Variants in HIVEP2 observed in about 807,000 individuals in gnomAD.
HIVEP2 encodes transcription factor HIVEP2.
Under a neutral mutation model 180.7 loss-of-function variants are expected in HIVEP2, and 14 were observed. The ratio of observed to expected loss-of-function variants is 0.08; its 90% CI spans 0.05 to 0.12. The LOEUF (loss-of-function observed/expected upper bound fraction) is 0.12, where lower values mean the gene tolerates loss of function less well. HIVEP2 is among the 10% of genes least tolerant of loss of function. The probability of loss-of-function intolerance (pLI) is 1.00; values close to 1 mark genes in which losing one functional copy is unlikely to be tolerated. For missense variants in HIVEP2, 2,579 were observed against 3,008.5 expected, an observed-to-expected ratio of 0.86 and a Z score of 3.34; for synonymous variants, 1,184 against 1,136.4, an observed-to-expected ratio of 1.04 and a Z score of -0.84.
At chr6:142,841,923 A>T (rs1200145872) in intron 1 of HIVEP2, among the ~76,000 whole-genome samples, 1 of 152,168 alleles carries the variant, frequency 6.6e-6, no homozygotes, top group Non-Finnish European at 1.5e-5. Flanking sequence ...GGTTCCCTAA[A>T]TCACTTCCTT....
At chr6:142,857,287 G>C (rs966561475) in intron 1 of HIVEP2, among the ~76,000 whole-genome samples, 4 of 151,418 alleles carry the variant, frequency 2.6e-5, no homozygotes, top group Non-Finnish European at 5.9e-5. Flanking sequence ...AATAAAAAGA[G>C]AATTCAAACA....
Position 142,771,338 on chromosome 6 carries a change from T to C in HIVEP2, c.3401A>G (p.Asp1134Gly), listed in dbSNP as rs746974252. The change falls in exon 5 of 10, where the codon GAC becomes GGC. Residue 1134 changes from aspartate (D) to glycine (G), a missense_variant. Physicochemically the swap from Asp to Gly is moderately conservative, Grantham distance 94. This residue lies in a region of HIVEP2 where 523 missense variants were observed against 577.0 expected (regional missense o/e 0.91). Coordinates refer to ENST00000367603, the MANE Select transcript of HIVEP2 (RefSeq NM_006734.4). The surrounding 1 kb of genome is among the most constrained non-coding windows in gnomAD (Gnocchi z 5.4). ...PAVLPPLQQE[D>G]PGKQVAGPCP... The stretch of plus-strand genomic sequence containing the variant: ...AGGACCCGCCACCTGCTTCCCTGGG[T>C]CCTCTTGCTGAAGAGGAGGCAGCAC... The C allele has an allele frequency of 8.7e-6, 14 of 1,613,018 alleles. No individual in the cohort carries two copies. Among genetic ancestry groups the C allele is most frequent in the Middle Eastern group, 3.3e-4 (2 of 6,062 alleles).
At chr6:142,857,907 G>T (rs76031061) in intron 1 of HIVEP2, among the ~76,000 whole-genome samples, 3,227 of 152,252 alleles carry the variant, frequency 0.021, 129 homozygotes, top group East Asian at 0.17. Context: ...GTCGGGTCTT[G>T]GGTCTGGGAA....
rs949526142 is a variant in HIVEP2 at position 142,945,066 on chromosome 6, T to TGCGCCGC, written c.-641+26_-641+32dup. 1.4e-5 allele frequency: 2 copies of TGCGCCGC among 146,072 alleles called. No individual in the cohort carries two copies. The highest frequency in any genetic ancestry group is 3.0e-5 in the Non-Finnish European group (2 of 65,808). 9.0% of individuals were successfully genotyped at this position (146,072 alleles called of 1,614,324 possible). A position where few individuals can be genotyped will look rare whatever the true frequency, so the allele number is the denominator to read the frequency against. ...CGCGCCGCCAGCCCGCCCGGCCGCC[T>TGCGCCGC]GCGCCGCGCGCCGCGGCCCCCTCCC... On this transcript the variant is annotated intron_variant, in intron 1 of 9. Coordinates refer to ENST00000367603, the MANE Select transcript of HIVEP2 (RefSeq NM_006734.4). The surrounding 1 kb of genome is among the most constrained non-coding windows in gnomAD (Gnocchi z 5.5).
At chr6:142,788,529 A>T (rs1776061945) in intron 2 of HIVEP2, 1 of 152,280 alleles carries the variant, frequency 6.6e-6, no homozygotes, top group African/African-American at 2.4e-5. Context: ...CCTAGCCAAC[A>T]TGGTGAAACC....
At chr6:142,873,136 G>T (rs1323550146) in intron 1 of HIVEP2, among the ~76,000 whole-genome samples, 1 of 152,090 alleles carries the variant, frequency 6.6e-6, no homozygotes, top group African/African-American at 2.4e-5. Flanking sequence ...CCACTGCACA[G>T]AAACATAGAA....
At chr6:142,783,319 T>C in intron 3 of HIVEP2, among the ~76,000 whole-genome samples, 2 of 66,162 alleles carry the variant, frequency 3.0e-5, no homozygotes, top group South Asian at 6.9e-4. Flanking sequence ...AGAGCAAGAC[T>C]CCGTCACAAA....
chr6:142,759,620 AT>A, intron 9 of HIVEP2, 151 bp downstream of exon 9: 1 of 654,332 alleles, frequency 1.5e-6, no homozygotes, highest in East Asian at 2.6e-5. Context: ...ACAATAGCAT[AT>A]GACAAAAATG....
chr6:142,771,304 C>G lies in HIVEP2; in HGVS notation c.3435G>C (p.Pro1145=). ...PGKQVAGPCP[P]LSSGPLHLAQ... ...CCAGGTGCAGTGGCCCCGAGCTCAG[C>G]GGGGGACAAGGACCCGCCACCTGCT... Residue 1145 remains proline (P), a synonymous_variant, in exon 5 of 10, where the codon CCG becomes CCC. Transcript: ENST00000367603. The surrounding 1 kb of genome is among the most constrained non-coding windows in gnomAD (Gnocchi z 5.4). 1.2e-6 allele frequency: 2 copies of G among 1,613,434 alleles called. No homozygotes were observed.
chr6:142,820,201 A>G (rs1477261112), intron 2 of HIVEP2, among the ~76,000 whole-genome samples: 3 of 151,958 alleles, frequency 2.0e-5, no homozygotes, highest in Non-Finnish European at 2.9e-5. Context: ...ACCTTCATTA[A>G]TTTTTCCACA....
chr6:142,756,531 C>T (rs562981309), intron 9 of HIVEP2, among the ~76,000 whole-genome samples: 1 of 152,148 alleles, frequency 6.6e-6, no homozygotes, highest in Non-Finnish European at 1.5e-5. Flanking sequence ...CGCCCAAGAT[C>T]ACACAGATAA....
At chr6:142,942,310 G>A (rs1163440009) in intron 1 of HIVEP2, among the ~76,000 whole-genome samples, 1 of 150,462 alleles carries the variant, frequency 6.6e-6, no homozygotes, top group Non-Finnish European at 1.5e-5. Flanking sequence ...AAAAAAAAAT[G>A]GCAAATTCTG....
At chr6:142,824,679 C>T (rs112494801) in intron 2 of HIVEP2, among the ~76,000 whole-genome samples, 4 of 152,274 alleles carry the variant, frequency 2.6e-5, no homozygotes, top group South Asian at 2.1e-4. Flanking sequence ...ACCTCGTAGC[C>T]GTGTAACACA....
intron 1 of HIVEP2, among the ~76,000 whole-genome samples, chr6:142,920,362 G>A (rs1280578420): frequency 6.6e-6 from 1 of 152,194 alleles, no homozygotes; most frequent in Non-Finnish European, 1.5e-5. Context: ...TCACATGTGA[G>A]TGGCTCACGG....
intron 1 of HIVEP2, among the ~76,000 whole-genome samples, chr6:142,872,229 T>C (rs188340856): frequency 1.5e-4 from 23 of 152,320 alleles, no homozygotes. Context: ...ACAGGTCAAA[T>C]GGTTAATTAT....
intron 6 of HIVEP2, among the ~76,000 whole-genome samples, chr6:142,766,765 T>C (rs1274264205): frequency 6.6e-6 from 1 of 152,192 alleles, no homozygotes; most frequent in Non-Finnish European, 1.5e-5. Flanking sequence ...GATAAGGTAA[T>C]TGATGGATTT....
chr6:142,786,002 A>G (rs1210337697), intron 2 of HIVEP2, among the ~76,000 whole-genome samples: 1 of 152,248 alleles, frequency 6.6e-6, no homozygotes, highest in Non-Finnish European at 1.5e-5. Context: ...TTTGTTATAA[A>G]TTGAAATCAG....
At chr6:142,835,207 T>G (rs1169745606) in intron 2 of HIVEP2, among the ~76,000 whole-genome samples, 1 of 152,142 alleles carries the variant, frequency 6.6e-6, no homozygotes, top group African/African-American at 2.4e-5. Flanking sequence ...GCATCCTTAT[T>G]TAATGCAAAA....
intron 1 of HIVEP2, among the ~76,000 whole-genome samples, chr6:142,937,326 T>C (rs1778081468): frequency 6.6e-6 from 1 of 152,272 alleles, no homozygotes; most frequent in East Asian, 1.9e-4. Flanking sequence ...AATTGTCCTA[T>C]GTTTTTCTTA....
Sources: gnomAD v4.1 joint callset for allele counts (sites outside exome capture counted in the v4.1 genomes callset) on GRCh38, gnomAD v4.1.1 for gene constraint, gnomAD v4.1.1 regional missense constraint, Gnocchi (gnomAD v3.1) non-coding constraint, MANE v1.5 for transcripts, NCBI Gene and HGNC (gene_info 2026-07-23, HGNC 2026-07-21) for gene names.